Variants in MERTK observed in about 807,000 individuals in gnomAD.
The protein encoded by MERTK is MER proto-oncogene, tyrosine kinase.
Under a neutral mutation model 99.3 loss-of-function variants are expected in MERTK, and 69 were observed. The observed-to-expected ratio is 0.70, with a 90% CI of 0.57 to 0.85. MERTK has a LOEUF of 0.85. MERTK is among the 40% of genes least tolerant of loss of function. MERTK has a pLI of 0.00. For missense variants in MERTK, 1,125 were observed against 1,249.4 expected (o/e 0.90, Z 1.50); for synonymous variants, 426 against 467.6 (o/e 0.91, Z 1.15).
chr2:111,952,402 A>C (rs1024767873), intron 4 of MERTK: 3 of 154,552 alleles, frequency 1.9e-5, no homozygotes, highest in Non-Finnish European at 2.9e-5. Context: ...GAACTGTAGC[A>C]TACAGCCTGT....
chr2:111,934,405 G>A (rs1208209674), intron 2 of MERTK, among the ~76,000 whole-genome samples: 6 of 152,138 alleles, frequency 3.9e-5, no homozygotes, highest in Admixed American at 3.9e-4. Flanking sequence ...ACTTTTTAAT[G>A]ATTGCCATTT....
chr2:112,008,105 C>T (rs998215144), intron 13 of MERTK, among the ~76,000 whole-genome samples: 3 of 152,144 alleles, frequency 2.0e-5, no homozygotes, highest in Non-Finnish European at 4.4e-5. Context: ...TGTTATACAG[C>T]TCTGTGGGTT....
At chr2:111,901,450 T>G (rs1440874704) in intron 1 of MERTK, among the ~76,000 whole-genome samples, 2 of 152,216 alleles carry the variant, frequency 1.3e-5, no homozygotes, top group African/African-American at 4.8e-5. Context: ...TTCCAAAGGC[T>G]TCAAATGCTT....
intron 2 of MERTK, among the ~76,000 whole-genome samples, chr2:111,932,242 C>T (rs1020828899): frequency 5.7e-4 from 86 of 152,212 alleles, no homozygotes; most frequent in Middle Eastern, 6.8e-3. Flanking sequence ...AGTGCAGTGG[C>T]GCGACCTCGG....
At chr2:111,996,987 ATTTTC>A (rs1676758805) in intron 9 of MERTK, 15 of 319,100 alleles carry the variant, frequency 4.7e-5, no homozygotes, top group South Asian at 4.4e-4. Flanking sequence ...TAATTTTGTT[ATTTTC>A]TTGTACGTGT....
chr2:111,898,850 G>A (rs962509694), intron 1 of MERTK, 54 bp downstream of exon 1: 174 of 1,533,202 alleles, frequency 1.1e-4, no homozygotes, highest in Middle Eastern at 1.9e-4. Flanking sequence ...CCAGGAGGAA[G>A]CAGGGGCCTC....
At chr2:111,982,465 C>T (rs910531537) in intron 7 of MERTK, among the ~76,000 whole-genome samples, 1 of 152,196 alleles carries the variant, frequency 6.6e-6, no homozygotes, top group African/African-American at 2.4e-5. Flanking sequence ...TCACTGTAGC[C>T]TCAATCTCCT....
chr2:111,949,857 A>G (rs1487138160), intron 4 of MERTK, among the ~76,000 whole-genome samples: 2 of 152,220 alleles, frequency 1.3e-5, no homozygotes, highest in Non-Finnish European at 2.9e-5. Context: ...TTTGTGTCAT[A>G]CATACTTTCC....
rs529693601 is a variant in MERTK, at chr2:111,920,420, T to G, written c.62-8700T>G. On this transcript the variant is annotated intron_variant, in intron 1 of 18. Transcript: ENST00000295408. The stretch of plus-strand genomic sequence containing the variant: ...TTTCTCTTGCAGGGCTTTGCTACAC[T>G]TAGGGCAAATGGGTGGCGTGATCGC... 5.9e-5 allele frequency among the ~76,000 whole-genome samples: 9 copies of G among 152,268 alleles called. No individual in the cohort carries two copies. In the South Asian group the frequency reaches 1.9e-3, roughly 32 times the overall value.
At chr2:111,956,037 C>A (rs1357077515) in intron 4 of MERTK, among the ~76,000 whole-genome samples, 1 of 151,748 alleles carries the variant, frequency 6.6e-6, no homozygotes, top group African/African-American at 2.4e-5. Context: ...TTGATGGATG[C>A]AGCAAACCAA....
intron 15 of MERTK, among the ~76,000 whole-genome samples, chr2:112,017,851 G>A (rs529440318): frequency 6.6e-6 from 1 of 152,236 alleles, no homozygotes; most frequent in East Asian, 1.9e-4. Context: ...AAGAGAAGTT[G>A]GGGTCAATGT....
At chr2:112,002,661 A>G (rs959017085) in intron 11 of MERTK, among the ~76,000 whole-genome samples, 1 of 152,256 alleles carries the variant, frequency 6.6e-6, no homozygotes, top group African/African-American at 2.4e-5. Flanking sequence ...CATTTTTGGG[A>G]GAGAAATAAT....
intron 2 of MERTK, among the ~76,000 whole-genome samples, chr2:111,941,189 GAA>G (rs1290307292): frequency 6.6e-6 from 1 of 152,062 alleles, no homozygotes; most frequent in Non-Finnish European, 1.5e-5. Context: ...AGTTCGAAAG[GAA>G]AATATTTTTT....
chr2:111,973,153 C>T (rs1281759137), intron 6 of MERTK, among the ~76,000 whole-genome samples: 1 of 152,168 alleles, frequency 6.6e-6, no homozygotes, highest in African/African-American at 2.4e-5. Flanking sequence ...CTGAGAAGGA[C>T]TGTTATAGAA....
At chr2:111,917,276 C>G (rs1174781378) in intron 1 of MERTK, among the ~76,000 whole-genome samples, 1 of 152,172 alleles carries the variant, frequency 6.6e-6, no homozygotes, top group Non-Finnish European at 1.5e-5. Flanking sequence ...TAGGCCCTTT[C>G]TGACGCCACC....
In MERTK at chr2:112,029,145, CAG is replaced by C. The variant is rs1483898916; in HGVS notation, c.*282_*283del. On this transcript the variant is annotated 3_prime_UTR_variant, in exon 19 of 19. Transcript: ENST00000295408. ...TCTTGCATATCTTAAAATTAAGCTT[CAG>C]CTGCTCCTTGATATTAACATTTGTA... 1 of 1,098,230 alleles carries C rather than the reference CAG, an allele frequency of 9.1e-7. No individual in the cohort carries two copies. Among genetic ancestry groups the C allele is most frequent in the Non-Finnish European group, 1.1e-6 (1 of 895,642 alleles). 68.0% of individuals were successfully genotyped at this position (1,098,230 alleles called of 1,614,324 possible).
intron 1 of MERTK, among the ~76,000 whole-genome samples, chr2:111,905,602 G>A (rs1684123739): frequency 6.6e-6 from 1 of 151,588 alleles, no homozygotes; most frequent in Non-Finnish European, 1.5e-5. Flanking sequence ...CGAGTAGCTG[G>A]GATTACAGGC....
intron 1 of MERTK, among the ~76,000 whole-genome samples, chr2:111,909,652 T>C (rs1684203880): frequency 4.6e-5 from 7 of 152,182 alleles, no homozygotes; most frequent in Admixed American, 4.6e-4. Context: ...TTTAAATGAA[T>C]GCACACTTCC....
intron 8 of MERTK, among the ~76,000 whole-genome samples, chr2:111,993,877 G>C (rs925643420): frequency 4.1e-4 from 62 of 152,326 alleles, no homozygotes; most frequent in African/African-American, 1.5e-3. Context: ...ACAATGTCAA[G>C]GGATAGTGTG....
Sources: allele counts gnomAD v4.1 joint callset (sites outside exome capture counted in the v4.1 genomes callset), GRCh38; gene constraint gnomAD v4.1.1; transcripts MANE v1.5; gene names NCBI Gene and HGNC (gene_info 2026-07-23, HGNC 2026-07-21).